Variants in ANAPC7 observed in about 807,000 individuals in gnomAD.
The protein encoded by ANAPC7 is anaphase-promoting complex subunit 7.
A neutral mutation model predicts 63.3 loss-of-function variants in ANAPC7; 25 were observed. That is an observed-to-expected ratio of 0.39 (90% CI 0.29 to 0.55). The LOEUF is 0.55. ANAPC7 is among the 20% of genes least tolerant of loss of function. ANAPC7 has a pLI of 0.57. For synonymous variants in ANAPC7, 241 were observed against 251.7 expected, an observed-to-expected ratio of 0.96 and a Z score of 0.40; for missense variants, 516 against 691.7, an observed-to-expected ratio of 0.75 and a Z score of 2.85.
chr12:110,374,423 AC>A, intron 10 of ANAPC7, 90 bp from the exon 11 acceptor site: 1 of 1,327,898 alleles, frequency 7.5e-7, no homozygotes, highest in Non-Finnish European at 1.0e-6. Flanking sequence ...CAGTGAAATG[AC>A]CACACAGTCC....
chr12:110,397,326 G>A (rs531949020), intron 1 of ANAPC7, among the ~76,000 whole-genome samples: 7 of 151,660 alleles, frequency 4.6e-5, no homozygotes, highest in South Asian at 2.1e-4. Context: ...AGGCTGAGGC[G>A]GGCAGATCAC....
rs1881869431 is a variant in ANAPC7, at chr12:110,381,801, G to A, written c.1083C>T (p.His361=). ...NMGRVQEAII[H]FREAIRLAPC... is the part of the protein sequence containing the mutation. ...GTGCGAGCCGTATGGCCTCCCGAAA[G>A]TGGATTATTGCTTCTTGGACTCTGC... The change falls in exon 8 of 11, where the codon CAC becomes CAT. Residue 361 remains histidine (H), a synonymous_variant. Transcript: ENST00000455511. 6.2e-7 allele frequency: 1 copy of A among 1,613,978 alleles called. No homozygotes were observed.
At chr12:110,390,768 C>G (rs1248690745) in intron 3 of ANAPC7, among the ~76,000 whole-genome samples, 2 of 152,090 alleles carry the variant, frequency 1.3e-5, no homozygotes, top group Non-Finnish European at 2.9e-5. Flanking sequence ...ATTTAAGATC[C>G]TTTCTTGACT....
At chr12:110,395,068 C>G in intron 3 of ANAPC7, 33 bp downstream of exon 3, 1 of 1,603,954 alleles carries the variant, frequency 6.2e-7, no homozygotes, top group Non-Finnish European at 8.5e-7. Flanking sequence ...GTTAGGAGAG[C>G]TGAGGAGAAA....
At position 110,375,418 on chromosome 12, in the gene ANAPC7, C is replaced by T. The variant is rs1009952438; in HGVS notation, c.1508+648G>A. 3.2e-5 allele frequency: 32 copies of T among 985,178 alleles called. No individual in the cohort carries two copies. The Admixed American group carries it at 8.0e-4, about 25-fold the overall frequency. The allele number at this position is 985,178 out of a possible 1,614,324, so 61.0% of individuals were successfully genotyped here. On this transcript the variant is annotated intron_variant, in intron 10 of 10. Transcript: ENST00000455511. ...TGTGATCAGACTCTATTAAAGACAG[C>T]CCTTCACCATAACCTTACAGACACA...
chr12:110,396,508 C>G, intron 1 of ANAPC7, 56 bp from the exon 2 acceptor site: 2 of 1,394,408 alleles, frequency 1.4e-6, no homozygotes, highest in Admixed American at 5.2e-5. Flanking sequence ...TCCAAGCTCC[C>G]CCAGCTTCTT....
chr12:110,383,931 G>A lies in ANAPC7; in HGVS notation c.818-971C>T, dbSNP rs368224612. ...AAAAGAAAAAAGAAGGGCCAGGCGC[G>A]GTGGCTCATGCCTGTAATCCCAGCA... On this transcript the variant is annotated intron_variant, in intron 6 of 10. Coordinates refer to ENST00000455511, the MANE Select transcript of ANAPC7 (RefSeq NM_016238.3). 4.2e-3 allele frequency among the ~76,000 whole-genome samples: 607 copies of A among 146,208 alleles called. 5 individuals carry two copies. Among genetic ancestry groups the A allele is most frequent in the Non-Finnish European group, 7.1e-3 (476 of 66,688 alleles).
At chr12:110,397,424 G>A (rs1311064804) in intron 1 of ANAPC7, among the ~76,000 whole-genome samples, 2 of 151,802 alleles carry the variant, frequency 1.3e-5, no homozygotes, top group African/African-American at 4.8e-5. Flanking sequence ...GTGGTGGCAG[G>A]CGCCTGTAGT....
intron 4 of ANAPC7, 42 bp from the exon 5 acceptor site, chr12:110,387,934 A>C (rs1203370274): frequency 4.4e-6 from 7 of 1,603,564 alleles, no homozygotes; most frequent in Admixed American, 1.7e-5. Flanking sequence ...AAGGCACGAT[A>C]TCTCTCTTCC....
chr12:110,396,365 C>G lies in ANAPC7; in HGVS notation c.189G>C (p.Val63=). 1 of 1,613,936 alleles carries G rather than the reference C, an allele frequency of 6.2e-7. No homozygotes were observed. Among genetic ancestry groups the G allele is most frequent in the Non-Finnish European group, 8.5e-7 (1 of 1,179,904 alleles). Residue 63 remains valine, a synonymous_variant, in exon 2 of 11, where the codon GTG becomes GTC. Coordinates refer to ENST00000455511, the MANE Select transcript of ANAPC7 (RefSeq NM_016238.3). ...GCTGTAAAGCCATGGTATACTTACT[C>G]ACAGCATTCCGATATTCCTTATCAT... The part of the protein sequence containing the change: ...LFHDKEYRNA[V]SKYTMALQQK...
intron 6 of ANAPC7, among the ~76,000 whole-genome samples, chr12:110,385,261 C>T (rs1032405298): frequency 1.3e-5 from 2 of 152,230 alleles, no homozygotes; most frequent in African/African-American, 2.4e-5. Flanking sequence ...AGTGAAACTC[C>T]GTCTCAAACA....
At chr12:110,397,572 A>C (rs1430636381) in intron 1 of ANAPC7, among the ~76,000 whole-genome samples, 3 of 150,856 alleles carry the variant, frequency 2.0e-5, no homozygotes, top group South Asian at 4.2e-4. Flanking sequence ...AAAAAAAAAA[A>C]CACTAAAAAC....
At chr12:110,391,481 C>A (rs777787036) in intron 3 of ANAPC7, among the ~76,000 whole-genome samples, 1 of 152,162 alleles carries the variant, frequency 6.6e-6, no homozygotes, top group Non-Finnish European at 1.5e-5. Flanking sequence ...TTTACATAGA[C>A]TGAGAAGCCA....
At chr12:110,382,455 A>T (rs868501570) in intron 7 of ANAPC7, among the ~76,000 whole-genome samples, 1,365 of 68,910 alleles carry the variant, frequency 0.02, 8 homozygotes, top group African/African-American at 0.025. Flanking sequence ...AAAAAAAAAA[A>T]AAAAAAATAT....
At chr12:110,401,046 T>C (rs2062220672) in intron 1 of ANAPC7, among the ~76,000 whole-genome samples, 1 of 152,042 alleles carries the variant, frequency 6.6e-6, no homozygotes, top group South Asian at 2.1e-4. Flanking sequence ...CAAGACTCCG[T>C]CTGAAAAGCA....
In ANAPC7 at chr12:110,376,179, C is replaced by G. The variant is rs1174433248; in HGVS notation, c.1395G>C (p.Leu465=). Residue 465 remains leucine, a synonymous_variant, in exon 10 of 11, where the codon CTG becomes CTC. Coordinates refer to ENST00000455511, the MANE Select transcript of ANAPC7 (RefSeq NM_016238.3). ...EQKYEDGIAL[L]RNALANQSDC... ...CACTCTGATTAGCCAGTGCGTTCCT[C>G]AGCAAAGCAATTCCATCTTCATATT... The G allele has an allele frequency of 1.2e-6, 2 of 1,614,172 alleles. No homozygotes were observed. The highest frequency in any genetic ancestry group is 2.2e-5 in the South Asian group (2 of 91,082).
intron 1 of ANAPC7, among the ~76,000 whole-genome samples, chr12:110,399,843 C>CACAGCACT (rs2062202506): frequency 6.7e-6 from 1 of 149,880 alleles, no homozygotes; most frequent in Non-Finnish European, 1.5e-5. Context: ...CGCCTGTAAT[C>CACAGCACT]ACAGCACTTT....
chr12:110,386,270 T>C (rs1009392370), intron 6 of ANAPC7, 57 bp downstream of exon 6: 3 of 1,603,418 alleles, frequency 1.9e-6, no homozygotes, highest in Non-Finnish European at 2.6e-6. Flanking sequence ...ATTCTCCCTA[T>C]TATCTCTGAT....
rs1881250875 is a variant in ANAPC7, at chr12:110,376,225, A to G, written c.1358-9T>C. 6.8e-6 allele frequency: 11 copies of G among 1,613,430 alleles called. No individual in the cohort carries two copies. The East Asian group carries it at 2.5e-4, about 36-fold the overall frequency. ...ATATTTCTGTTCTCTGCCTGGGGGAATAAAAAAGACCCTCACTTAAGTCAT... is the reference window on the plus strand; with the variant it reads ...ATATTTCTGTTCTCTGCCTGGGGGAGTAAAAAAGACCCTCACTTAAGTCAT... On this transcript the variant is annotated splice_polypyrimidine_tract_variant and intron_variant, in intron 9 of 10. Transcript: ENST00000455511.
Sources: gnomAD v4.1 joint callset for allele counts (sites outside exome capture counted in the v4.1 genomes callset) on GRCh38, gnomAD v4.1.1 for gene constraint, MANE v1.5 for transcripts, NCBI Gene and HGNC (gene_info 2026-07-23, HGNC 2026-07-21) for gene names.